The following CDC42BPA variants were observed in gnomAD, a reference collection of about 807,000 sequenced individuals.
The protein encoded by CDC42BPA is serine/threonine-protein kinase MRCK alpha.
CDC42BPA carries 80 observed loss-of-function variants against 223.5 expected under a neutral mutation model. The ratio of observed to expected loss-of-function variants is 0.36; its 90% confidence interval spans 0.30 to 0.43. CDC42BPA has a LOEUF of 0.43. Ranked by LOEUF, CDC42BPA falls within the 20% of genes least tolerant of loss-of-function variation. The pLI, the probability that CDC42BPA is intolerant of heterozygous loss-of-function variation, is 1.00. For synonymous variants in CDC42BPA, 694 were observed against 718.6 expected, an observed-to-expected ratio of 0.97 and a Z score of 0.55; for missense variants, 1,743 against 2,099.9, an observed-to-expected ratio of 0.83 and a Z score of 3.32.
At chr1:227,213,453 G>A (rs1227124242) in intron 2 of CDC42BPA, among the ~76,000 whole-genome samples, 1 of 152,116 alleles carries the variant, frequency 6.6e-6, no homozygotes, top group Non-Finnish European at 1.5e-5. Context: ...TGTGAACGCT[G>A]TATTAGTTGG....
intron 10 of CDC42BPA, among the ~76,000 whole-genome samples, chr1:227,131,377 C>A (rs1657076679): frequency 1.3e-5 from 2 of 152,140 alleles, no homozygotes; most frequent in African/African-American, 4.8e-5. Context: ...AGGTATGTGA[C>A]CTAGTTAGAA....
chr1:227,170,452 A>G (rs1354427840), intron 5 of CDC42BPA, among the ~76,000 whole-genome samples: 2 of 141,194 alleles, frequency 1.4e-5, no homozygotes. Flanking sequence ...CAGACTCATG[A>G]GCAAAAAAAA....
chr1:227,077,965 A>G (rs978765912), intron 17 of CDC42BPA, among the ~76,000 whole-genome samples: 5 of 152,128 alleles, frequency 3.3e-5, no homozygotes, highest in Non-Finnish European at 5.9e-5. Flanking sequence ...CATTCTGAAC[A>G]TTACTGTTAA....
intron 21 of CDC42BPA, among the ~76,000 whole-genome samples, chr1:227,056,340 T>C (rs1358748572): frequency 6.6e-6 from 1 of 152,106 alleles, no homozygotes; most frequent in East Asian, 1.9e-4. Context: ...TGTTTGTTAT[T>C]GGTAAACATA....
chr1:227,296,538 T>C (rs1346515855), intron 1 of CDC42BPA, among the ~76,000 whole-genome samples: 1 of 151,684 alleles, frequency 6.6e-6, no homozygotes, highest in South Asian at 2.1e-4. Context: ...AAACCCCGCA[T>C]CTACTAAAAA....
intron 31 of CDC42BPA, among the ~76,000 whole-genome samples, chr1:227,023,921 A>G (rs1667813971): frequency 6.6e-6 from 1 of 152,230 alleles, no homozygotes; most frequent in South Asian, 2.1e-4. Flanking sequence ...AATAGAATGT[A>G]TCTTATGACC....
chr1:227,200,326 G>A lies in CDC42BPA; in HGVS notation c.355-674C>T, dbSNP rs1671501752. Among the ~76,000 whole-genome samples, 3 of 151,868 alleles carry A rather than the reference G, an allele frequency of 2.0e-5. No individual in the cohort carries two copies. The South Asian group carries it at 6.2e-4, about 31-fold the overall frequency. On this transcript the variant is annotated intron_variant, in intron 3 of 36. Coordinates refer to ENST00000366766, the MANE Select transcript of CDC42BPA (RefSeq NM_001394014.1). The stretch of plus-strand genomic sequence containing the variant: ...TACACCTGTAATCCCAGCCACTCAG[G>A]AGGCTAAGACGGGAGAATTGCTTGA...
At chr1:227,028,410 T>C (rs1432791464) in intron 30 of CDC42BPA, among the ~76,000 whole-genome samples, 3 of 152,224 alleles carry the variant, frequency 2.0e-5, no homozygotes, top group Non-Finnish European at 4.4e-5. Flanking sequence ...AAAAAATCCA[T>C]CTTAGTGAAA....
chr1:227,116,648 TATC>T (rs1370350583), intron 12 of CDC42BPA, among the ~76,000 whole-genome samples: 4 of 152,210 alleles, frequency 2.6e-5, no homozygotes, highest in South Asian at 2.1e-4. Context: ...TATGGAGAGA[TATC>T]ATGTTTACAA....
In CDC42BPA at chr1:227,035,529, C is replaced by T; in HGVS notation, c.3278G>A (p.Gly1093Asp). Residue 1093 changes from glycine to aspartate, a missense_variant, in exon 25 of 37, where the codon GGT becomes GAT. Gly to Asp is a moderately conservative substitution (Grantham distance 94). Transcript: ENST00000366766. ...TCPVPPEQTK[G>D]PLGIDPQKGI... is the part of the protein sequence containing the mutation. Reference sequence around the variant, plus strand: ...TTTCTGAGGATCTATACCCAGGGGACCTTTTGTCTGTTCAGGAGGAACTGG... The same window carrying T: ...TTTCTGAGGATCTATACCCAGGGGATCTTTTGTCTGTTCAGGAGGAACTGG... 1 of 1,611,592 alleles carries T rather than the reference C, an allele frequency of 6.2e-7. No individual in the cohort carries two copies. Among genetic ancestry groups the T allele is most frequent in the East Asian group, 2.2e-5 (1 of 44,748 alleles).
rs796712913 is a variant in CDC42BPA at position 227,000,872 on chromosome 1, G to A, written c.4975+4122C>T. Among the ~76,000 whole-genome samples the A allele has an allele frequency of 1.2e-4, 19 of 152,036 alleles. 1 individual carries two copies. Among genetic ancestry groups the A allele is most frequent in the African/African-American group, 4.6e-4 (19 of 41,456 alleles). On this transcript the variant is annotated intron_variant, in intron 35 of 36. Transcript: ENST00000366766. Reference sequence around the variant, plus strand: ...TTGATTGAACAGCAAAAGGAGCCTGGGGACCCTCTGGCCTGAGACCACATA... The same window carrying A: ...TTGATTGAACAGCAAAAGGAGCCTGAGGACCCTCTGGCCTGAGACCACATA...
chr1:227,188,188 AATT>A (rs570508648), intron 5 of CDC42BPA, among the ~76,000 whole-genome samples: 178 of 152,262 alleles, frequency 1.2e-3, no homozygotes, highest in African/African-American at 4.1e-3. Context: ...CTCAAATATG[AATT>A]ATTACTTATG....
chr1:227,264,070 C>A (rs1684570588), intron 1 of CDC42BPA, among the ~76,000 whole-genome samples: 1 of 152,160 alleles, frequency 6.6e-6, no homozygotes, highest in African/African-American at 2.4e-5. Flanking sequence ...CAACTTTTGT[C>A]TATTCATGAA....
chr1:227,029,608 C>T (rs1472207039), intron 29 of CDC42BPA, among the ~76,000 whole-genome samples: 1 of 152,122 alleles, frequency 6.6e-6, no homozygotes, highest in Non-Finnish European at 1.5e-5. Flanking sequence ...TTTTATATGG[C>T]TAACAATGCA....
chr1:227,143,654 C>A (rs1660114823), intron 8 of CDC42BPA, among the ~76,000 whole-genome samples: 1 of 152,196 alleles, frequency 6.6e-6, no homozygotes, highest in Non-Finnish European at 1.5e-5. Context: ...TTCATTCAGG[C>A]ACGAGTTACA....
chr1:227,184,204 T>C (rs1668392427), intron 5 of CDC42BPA, among the ~76,000 whole-genome samples: 1 of 152,126 alleles, frequency 6.6e-6, no homozygotes, highest in Non-Finnish European at 1.5e-5. Context: ...TTTAATGAAG[T>C]CCCATTTATT....
At chr1:227,268,665 T>TAC (rs1387016949) in intron 1 of CDC42BPA, among the ~76,000 whole-genome samples, 8 of 145,146 alleles carry the variant, frequency 5.5e-5, no homozygotes, top group Non-Finnish European at 7.5e-5. Flanking sequence ...TATATATATA[T>TAC]ACATATATAT....
At chr1:227,157,825 G>C (rs1663094363) in intron 6 of CDC42BPA, among the ~76,000 whole-genome samples, 1 of 151,920 alleles carries the variant, frequency 6.6e-6, no homozygotes, top group African/African-American at 2.4e-5. Context: ...CTCATCCAGT[G>C]AATTTTAAAT....
intron 6 of CDC42BPA, among the ~76,000 whole-genome samples, chr1:227,150,698 T>C (rs1661572885): frequency 6.6e-6 from 1 of 151,884 alleles, no homozygotes; most frequent in Non-Finnish European, 1.5e-5. Flanking sequence ...TTGGATAACA[T>C]AATGAAGAAG....
Sources: allele counts gnomAD v4.1 joint callset (sites outside exome capture counted in the v4.1 genomes callset), GRCh38; gene constraint gnomAD v4.1.1; transcripts MANE v1.5; gene names NCBI Gene and HGNC (gene_info 2026-07-23, HGNC 2026-07-21).